The following RAB31 variants were observed in gnomAD, a reference collection of about 807,000 sequenced individuals.
The protein encoded by RAB31 is ras-related protein Rab-31.
RAB31 carries 21 observed loss-of-function variants against 25.6 expected under a neutral mutation model. The observed-to-expected ratio is 0.82, with a 90% CI of 0.58 to 1.18. The LOEUF (loss-of-function observed/expected upper bound fraction) is 1.18, where lower values mean the gene tolerates loss of function less well. RAB31 is among the 50% of genes most tolerant of loss of function. The pLI is 0.00. For missense variants in RAB31, 196 were observed against 250.1 expected, an observed-to-expected ratio of 0.78 and a Z score of 1.46; for synonymous variants, 87 against 84.0, an observed-to-expected ratio of 1.04 and a Z score of -0.20.
At chr18:9,809,308 C>A (rs2068558830) in intron 3 of RAB31, among the ~76,000 whole-genome samples, 1 of 113,444 alleles carries the variant, frequency 8.8e-6, no homozygotes, top group South Asian at 3.6e-4. Flanking sequence ...GAGTCCAGTT[C>A]TCTTCACTTC....
intron 6 of RAB31, among the ~76,000 whole-genome samples, chr18:9,851,264 T>C (rs1169893402): frequency 2.0e-5 from 3 of 152,158 alleles, no homozygotes; most frequent in Admixed American, 6.5e-5. Context: ...GTTAATTTAG[T>C]GAATGTAAAA....
intron 6 of RAB31, 102 bp downstream of exon 6, chr18:9,845,793 T>C: frequency 7.1e-7 from 1 of 1,409,704 alleles, no homozygotes. Context: ...TTCCTCTGTG[T>C]GAATTTATCG....
chr18:9,829,830 C>G (rs2068668215), intron 5 of RAB31, among the ~76,000 whole-genome samples: 2 of 151,890 alleles, frequency 1.3e-5, no homozygotes, highest in South Asian at 4.1e-4. Flanking sequence ...AGTGCCTGTT[C>G]AAATCTTTGC....
At chr18:9,737,727 G>A (rs567737671) in intron 1 of RAB31, among the ~76,000 whole-genome samples, 189 of 152,334 alleles carry the variant, frequency 1.2e-3, no homozygotes, top group African/African-American at 4.1e-3. Flanking sequence ...AAAATTGCAG[G>A]CTAGAGCAAA....
chr18:9,838,652 C>T (rs2068716731), intron 5 of RAB31, among the ~76,000 whole-genome samples: 2 of 152,188 alleles, frequency 1.3e-5, no homozygotes, highest in South Asian at 4.1e-4. Flanking sequence ...TATTGGGTAG[C>T]ACAGGCCTGT....
chr18:9,786,124 CA>C (rs898825480), intron 2 of RAB31, among the ~76,000 whole-genome samples: 1 of 143,650 alleles, frequency 7.0e-6, no homozygotes, highest in African/African-American at 2.6e-5. Context: ...AAGCCTCTGT[CA>C]AAAAAAGGAA....
chr18:9,719,299 ATATAT>A (rs1185362097), intron 1 of RAB31, among the ~76,000 whole-genome samples: 3 of 15,216 alleles, frequency 2.0e-4, no homozygotes, highest in African/African-American at 3.3e-4. Context: ...AAAAAAAAAA[ATATAT>A]ATATATATAT....
intron 1 of RAB31, among the ~76,000 whole-genome samples, chr18:9,719,298 A>AATATAT (rs71168101): frequency 4.8e-4 from 11 of 23,104 alleles, no homozygotes; most frequent in Middle Eastern, 0.021. Flanking sequence ...AAAAAAAAAA[A>AATATAT]ATATATATAT....
At chr18:9,813,945 A>C in intron 3 of RAB31, 75 bp from the exon 4 acceptor site, 1 of 1,035,722 alleles carries the variant, frequency 9.7e-7, no homozygotes, top group Non-Finnish European at 1.5e-6. Context: ...ATGTAGGATA[A>C]AACGTTTATG....
intron 5 of RAB31, among the ~76,000 whole-genome samples, chr18:9,828,684 A>G (rs2068662380): frequency 6.6e-6 from 1 of 152,224 alleles, no homozygotes. Flanking sequence ...TCTAAAACTC[A>G]TTCCAGTCTT....
At chr18:9,808,740 G>A (rs1007179750) in intron 3 of RAB31, among the ~76,000 whole-genome samples, 3 of 152,206 alleles carry the variant, frequency 2.0e-5, no homozygotes, top group African/African-American at 7.2e-5. Context: ...ACTCAACAGG[G>A]ACAGAGCGTC....
rs540307426 is a variant in RAB31 at position 9,781,255 on chromosome 18, G to A, written c.119+5898G>A. 1.8e-4 allele frequency among the ~76,000 whole-genome samples: 28 copies of A among 152,090 alleles called. 1 individual carries two copies. Among genetic ancestry groups the A allele is most frequent in the Admixed American group, 1.2e-3 (18 of 15,262 alleles). ...CTTCAAATGTTCGCATTTTCTCGTA[G>A]CTTAATGTTTCTTTGTTAAAACAAT... is the stretch of plus-strand genomic sequence containing the variant. On this transcript the variant is annotated intron_variant, in intron 2 of 6. Transcript: ENST00000578921.
At chr18:9,829,270 T>C (rs2068665450) in intron 5 of RAB31, among the ~76,000 whole-genome samples, 1 of 152,170 alleles carries the variant, frequency 6.6e-6, no homozygotes, top group Non-Finnish European at 1.5e-5. Flanking sequence ...ATTTGCATTT[T>C]CCAAGCAGTA....
At chr18:9,853,196 T>A (rs1436608229) in intron 6 of RAB31, among the ~76,000 whole-genome samples, 1 of 152,214 alleles carries the variant, frequency 6.6e-6, no homozygotes, top group Non-Finnish European at 1.5e-5. Flanking sequence ...TTCTTGACAG[T>A]GTTGTTTGGA....
At chr18:9,808,648 A>C (rs2068554363) in intron 3 of RAB31, among the ~76,000 whole-genome samples, 1 of 152,166 alleles carries the variant, frequency 6.6e-6, no homozygotes, top group African/African-American at 2.4e-5. Flanking sequence ...TCTTTTTGGC[A>C]TCTGCCCTTG....
intron 4 of RAB31, 126 bp from the exon 5 acceptor site, chr18:9,814,990 T>A: frequency 3.1e-6 from 2 of 643,616 alleles, no homozygotes; most frequent in Non-Finnish European, 5.3e-6. Flanking sequence ...AGAGGTAGTA[T>A]GTTAATCTGC....
intron 6 of RAB31, 43 bp downstream of exon 6, chr18:9,845,734 A>T: frequency 6.6e-7 from 1 of 1,513,258 alleles, no homozygotes; most frequent in Non-Finnish European, 8.8e-7. Context: ...TTGCATTTTT[A>T]TGCTTCTGGG....
At chr18:9,769,912 A>T (rs917345750) in intron 1 of RAB31, among the ~76,000 whole-genome samples, 1 of 152,228 alleles carries the variant, frequency 6.6e-6, no homozygotes, top group African/African-American at 2.4e-5. Context: ...GAATTTTATC[A>T]AAGGCCTTTT....
intron 5 of RAB31, among the ~76,000 whole-genome samples, chr18:9,838,729 G>C (rs1017221948): frequency 5.3e-5 from 8 of 152,188 alleles, no homozygotes; most frequent in African/African-American, 1.9e-4. Flanking sequence ...GCCTCTGAGT[G>C]CCAGGGACCA....
Sources: allele counts gnomAD v4.1 joint callset (sites outside exome capture counted in the v4.1 genomes callset), GRCh38; gene constraint gnomAD v4.1.1; transcripts MANE v1.5; gene names NCBI Gene and HGNC (gene_info 2026-07-23, HGNC 2026-07-21).